Variants in PLEKHH3 observed in about 807,000 individuals in gnomAD.
PLEKHH3 encodes the protein pleckstrin homology domain-containing family H member 3.
A neutral mutation model predicts 77.8 loss-of-function variants in PLEKHH3; 57 were observed. The observed-to-expected ratio is 0.73, with a 90% CI of 0.59 to 0.91. The LOEUF (loss-of-function observed/expected upper bound fraction) is 0.91. PLEKHH3 is among the 40% of genes least tolerant of loss of function. The probability of loss-of-function intolerance (pLI) is 0.00; values close to 1 mark genes in which losing one functional copy is unlikely to be tolerated. For missense variants in PLEKHH3, 1,082 were observed against 1,091.2 expected (o/e 0.99, Z 0.12); for synonymous variants, 467 against 504.8 (o/e 0.93, Z 1.00).
At position 42,671,141 on chromosome 17, in the gene PLEKHH3, A is replaced by T. The variant is rs766362770; in HGVS notation, c.1285-11T>A. 1.3e-6 allele frequency: 2 copies of T among 1,569,102 alleles called. No homozygotes were observed. The highest frequency in any genetic ancestry group is 1.7e-6 in the Non-Finnish European group (2 of 1,158,166). On this transcript the variant is annotated splice_polypyrimidine_tract_variant and intron_variant, in intron 8 of 12. Coordinates refer to ENST00000591022, the MANE Select transcript of PLEKHH3 (RefSeq NM_024927.5). The surrounding 1 kb of genome is among the most constrained non-coding windows in gnomAD (Gnocchi z 4.7). ...CAGCTCTCGAGCCACCTAGAAGAGG[A>T]GGGTGAGGGGAGACCACTCAGAGGT...
rs761715761 is a variant in PLEKHH3 at position 42,673,680 on chromosome 17, G to C, written c.453C>G (p.Cys151Trp). The C allele has an allele frequency of 6.2e-7, 1 of 1,602,484 alleles. No individual in the cohort carries two copies. The highest frequency in any genetic ancestry group is 1.7e-5 in the Admixed American group (1 of 60,014). Reference sequence around the variant, plus strand: ...GCCTGCGCTCTGGGCCGGTCACCGAGCACAGGCTGGTGAGCACGAGGCTCC... The same window carrying C: ...GCCTGCGCTCTGGGCCGGTCACCGACCACAGGCTGGTGAGCACGAGGCTCC... ...RLGSLVLTSLCSVTGPERRRK... is the reference protein window; with the variant it reads ...RLGSLVLTSLWSVTGPERRRK... Residue 151 changes from cysteine (C) to tryptophan (W), a missense_variant, in exon 4 of 13, where the codon TGC becomes TGG. Around this residue, in one of 3 missense-constraint regions of PLEKHH3, gnomAD observed 344 missense variants for 320.8 expected, o/e 1.07. Transcript: ENST00000591022.
chr17:42,676,875 T>A lies in PLEKHH3; in HGVS notation c.-312A>T. 2.7e-6 allele frequency: 1 copy of A among 368,684 alleles called. No individual in the cohort carries two copies. Among genetic ancestry groups the A allele is most frequent in the South Asian group, 2.9e-5 (1 of 34,460 alleles). 22.8% of individuals were successfully genotyped at this position (368,684 alleles called of 1,614,324 possible). On this transcript the variant is annotated 5_prime_UTR_variant, in exon 1 of 13. Coordinates refer to ENST00000591022, the MANE Select transcript of PLEKHH3 (RefSeq NM_024927.5). The surrounding 1 kb of genome is among the most constrained non-coding windows in gnomAD (Gnocchi z 6.6). The stretch of plus-strand genomic sequence containing the variant: ...GAGTGTCCAGCCCTGTGGGGGGCAG[T>A]GTCCGGTGCAGCGTCCGAGGTGGGC...
chr17:42,674,395 C>T lies in PLEKHH3; in HGVS notation c.177G>A (p.Val59=), dbSNP rs749051568. The change falls in exon 2 of 13, where the codon GTG becomes GTA. Residue 59 remains valine, a synonymous_variant. Coordinates refer to ENST00000591022, the MANE Select transcript of PLEKHH3 (RefSeq NM_024927.5). The part of the protein sequence containing the change: ...PAGGGRGPLE[V]TLTQPVRSGP... ...CGCTCCTCACTGGCTGAGTCAGCGT[C>T]ACTTCCAGGGGACCCTGGGGAGACA... 2.5e-6 allele frequency: 4 copies of T among 1,595,368 alleles called. No homozygotes were observed. The highest frequency in any genetic ancestry group is 1.1e-5 in the South Asian group (1 of 88,534).
rs778023997 is a variant in PLEKHH3 at position 42,673,678 on chromosome 17, G to A, written c.455C>T (p.Ser152Leu). The part of the protein sequence containing the change: ...LGSLVLTSLC[S>L]VTGPERRRKE... ...ACGCCTGCGCTCTGGGCCGGTCACC[G>A]AGCACAGGCTGGTGAGCACGAGGCT... Residue 152 changes from serine (S) to leucine (L), a missense_variant, in exon 4 of 13, where the codon TCG becomes TTG. Ser to Leu is a moderately radical substitution (Grantham distance 145). Around this residue, in one of 3 missense-constraint regions of PLEKHH3, gnomAD observed 344 missense variants for 320.8 expected, o/e 1.07. Coordinates refer to ENST00000591022, the MANE Select transcript of PLEKHH3 (RefSeq NM_024927.5). 2 of 1,602,494 alleles carry A rather than the reference G, an allele frequency of 1.2e-6. No homozygotes were observed. Among genetic ancestry groups the A allele is most frequent in the Non-Finnish European group, 1.7e-6 (2 of 1,179,882 alleles).
chr17:42,668,442 C>T (rs1422935491), intron 12 of PLEKHH3, 139 bp from the exon 13 acceptor site: 1 of 626,376 alleles, frequency 1.6e-6, no homozygotes, highest in Non-Finnish European at 2.5e-6. Context: ...CCTTCCTTAT[C>T]ACCACTCTCT....
At chr17:42,670,934 CTG>C (rs2052685659) in intron 9 of PLEKHH3, 58 bp downstream of exon 9, 2 of 1,580,100 alleles carry the variant, frequency 1.3e-6, no homozygotes, top group East Asian at 4.5e-5. Flanking sequence ...CGCTTAGAGA[CTG>C]ACCTCAGCTG....
At position 42,676,892 on chromosome 17, in the gene PLEKHH3, G is replaced by A; in HGVS notation, c.-329C>T. 3.1e-6 allele frequency: 1 copy of A among 318,854 alleles called. No individual in the cohort carries two copies. Among genetic ancestry groups the A allele is most frequent in the Non-Finnish European group, 5.9e-6 (1 of 170,816 alleles). 19.8% of individuals were successfully genotyped at this position (318,854 alleles called of 1,614,324 possible). On this transcript the variant is annotated 5_prime_UTR_variant, in exon 1 of 13. Coordinates refer to ENST00000591022, the MANE Select transcript of PLEKHH3 (RefSeq NM_024927.5). The surrounding 1 kb of genome is among the most constrained non-coding windows in gnomAD (Gnocchi z 6.6). ...GGGGGCAGTGTCCGGTGCAGCGTCC[G>A]AGGTGGGCAGTTGTCCAAGCTCCAG...
At position 42,670,094 on chromosome 17, in the gene PLEKHH3, C is replaced by A; in HGVS notation, c.1837G>T (p.Ala613Ser). 1 of 1,369,352 alleles carries A rather than the reference C, an allele frequency of 7.3e-7. No homozygotes were observed. Among genetic ancestry groups the A allele is most frequent in the Non-Finnish European group, 9.3e-7 (1 of 1,070,032 alleles). 84.8% of individuals were successfully genotyped at this position (1,369,352 alleles called of 1,614,324 possible). A position where few individuals can be genotyped will look rare whatever the true frequency, so the allele number is the denominator to read the frequency against. The change falls in exon 11 of 13, where the codon GCG (alanine) becomes TCG (serine). Residue 613 changes from alanine to serine, a missense_variant. Ala to Ser is a moderately conservative substitution (Grantham distance 99). This residue lies in a region of PLEKHH3 where 733 missense variants were observed against 750.0 expected (regional missense o/e 0.98). Coordinates refer to ENST00000591022, the MANE Select transcript of PLEKHH3 (RefSeq NM_024927.5). ...RARRGGAGRT[A>S]GSIAREGGGG... The stretch of plus-strand genomic sequence containing the variant: ...CCTCCCTCGCGGGCAATGCTTCCCG[C>A]AGTGCGGCCGGCCCCGCCGCGCCGG...
At chr17:42,675,333 G>A (rs1490111270) in intron 1 of PLEKHH3, among the ~76,000 whole-genome samples, 1 of 152,108 alleles carries the variant, frequency 6.6e-6, no homozygotes, top group Non-Finnish European at 1.5e-5. Flanking sequence ...CAATGGCCTG[G>A]TAAAGCCGAC....
In PLEKHH3 at chr17:42,669,581, AAGCCCAGGCAC is replaced by A; in HGVS notation, c.2043_2053del (p.Cys682GlyfsTer131). On this transcript the variant is annotated frameshift_variant, in exon 12 of 13. Transcript: ENST00000591022. LOFTEE classifies it high-confidence loss of function. ...GGAGAGGGACATGGCCTTGGCTCCCAAGCCCAGGCACAGCTTCTGTGGAGCACCCCGACCAG... is the reference window on the plus strand; with the variant it reads ...GGAGAGGGACATGGCCTTGGCTCCCAAGCTTCTGTGGAGCACCCCGACCAG... 6.2e-7 allele frequency: 1 copy of A among 1,610,700 alleles called. No individual in the cohort carries two copies. The highest frequency in any genetic ancestry group is 8.5e-7 in the Non-Finnish European group (1 of 1,177,914).
intron 12 of PLEKHH3, chr17:42,669,036 C>A: frequency 6.3e-6 from 1 of 158,176 alleles, no homozygotes; most frequent in Non-Finnish European, 1.4e-5. Context: ...TGGTCTCGAT[C>A]TCCTGACCTC....
At position 42,672,311 on chromosome 17, in the gene PLEKHH3, C is replaced by T. The variant is rs2052720829; in HGVS notation, c.851G>A (p.Gly284Glu). 1.3e-6 allele frequency: 2 copies of T among 1,548,760 alleles called. No individual in the cohort carries two copies. Among genetic ancestry groups the T allele is most frequent in the African/African-American group, 1.4e-5 (1 of 73,028 alleles). ...LQALEGARRPGPLMQGVLQTC... is the reference protein window; with the variant it reads ...LQALEGARRPEPLMQGVLQTC... ...TTGGAGCACACCCTGCATCAAGGGCCCGGGGCGCCGCGCCCCCTCCAGCGC... is the reference window on the plus strand; with the variant it reads ...TTGGAGCACACCCTGCATCAAGGGCTCGGGGCGCCGCGCCCCCTCCAGCGC... Residue 284 changes from glycine to glutamate, a missense_variant, in exon 7 of 13, where the codon GGG becomes GAG. Transcript: ENST00000591022.
Position 42,674,402 on chromosome 17 carries a change from A to AG in PLEKHH3, c.169dup (p.Leu57ProfsTer105). 1 of 1,593,764 alleles carries AG rather than the reference A, an allele frequency of 6.3e-7. No homozygotes were observed. ...CACTGGCTGAGTCAGCGTCACTTCCAGGGGACCCTGGGGAGACAGGCGGGG... is the reference window on the plus strand; with the variant it reads ...CACTGGCTGAGTCAGCGTCACTTCCAGGGGGACCCTGGGGAGACAGGCGGGG... On this transcript the variant is annotated frameshift_variant, in exon 2 of 13. Coordinates refer to ENST00000591022, the MANE Select transcript of PLEKHH3 (RefSeq NM_024927.5). LOFTEE classifies it high-confidence loss of function.
chr17:42,669,393 C>T (rs2052631109), intron 12 of PLEKHH3, 37 bp downstream of exon 12: 1 of 1,492,028 alleles, frequency 6.7e-7, no homozygotes. Flanking sequence ...CATCGCTTCC[C>T]TTCTCTCCTC....
Position 42,672,173 on chromosome 17 carries a change from A to C in PLEKHH3, c.989T>G (p.Leu330Arg). The part of the protein sequence containing the change: ...GLPATQDPAA[L>R]RYWQLLTCMS... Reference sequence around the variant, plus strand: ...GCAGGTGAGGAGTTGCCAGTACCGCAGGGCCGCAGGGTCTTGGGTAGCCGG... The same window carrying C: ...GCAGGTGAGGAGTTGCCAGTACCGCCGGGCCGCAGGGTCTTGGGTAGCCGG... Residue 330 changes from leucine to arginine, a missense_variant, in exon 7 of 13, where the codon CTG becomes CGG. Physicochemically the swap from Leu to Arg is moderately radical, Grantham distance 102. This residue lies in a region of PLEKHH3 where 733 missense variants were observed against 750.0 expected (regional missense o/e 0.98). Coordinates refer to ENST00000591022, the MANE Select transcript of PLEKHH3 (RefSeq NM_024927.5). 6.5e-7 allele frequency: 1 copy of C among 1,550,210 alleles called. No homozygotes were observed. The highest frequency in any genetic ancestry group is 8.7e-7 in the Non-Finnish European group (1 of 1,146,396).
rs561085023 is a variant in PLEKHH3, at chr17:42,670,514, A to G, written c.1554+59T>C. The stretch of plus-strand genomic sequence containing the variant: ...ATAGTGATGAAATGAGACGGCCTAG[A>G]AAACCAGGGGTTCAGGCTTGGGGGT... On this transcript the variant is annotated intron_variant, in intron 10 of 12. Transcript: ENST00000591022. 4.5e-6 allele frequency: 7 copies of G among 1,561,744 alleles called. No homozygotes were observed. In the East Asian group the frequency reaches 1.6e-4, roughly 36 times the overall value.
rs1037050693 is a variant in PLEKHH3 at position 42,671,633 on chromosome 17, T to C, written c.1077-75A>G. ...CCCTCCCTCTTGCCTGCTTCTCTTATAGTTTATTTTATCTAGCCGATTTCC... is the reference window on the plus strand; with the variant it reads ...CCCTCCCTCTTGCCTGCTTCTCTTACAGTTTATTTTATCTAGCCGATTTCC... On this transcript the variant is annotated intron_variant, in intron 7 of 12. Coordinates refer to ENST00000591022, the MANE Select transcript of PLEKHH3 (RefSeq NM_024927.5). The surrounding 1 kb of genome is among the most constrained non-coding windows in gnomAD (Gnocchi z 4.7). The C allele has an allele frequency of 1.9e-4, 270 of 1,427,438 alleles. No homozygotes were observed. The highest frequency in any genetic ancestry group is 9.0e-4 in the Middle Eastern group (5 of 5,586). 88.4% of individuals were successfully genotyped at this position (1,427,438 alleles called of 1,614,324 possible). A position where few individuals can be genotyped will look rare whatever the true frequency, so the allele number is the denominator to read the frequency against.
At chr17:42,670,866 C>A (rs1008388476) in intron 9 of PLEKHH3, 128 bp downstream of exon 9, 10 of 1,525,598 alleles carry the variant, frequency 6.6e-6, no homozygotes, top group African/African-American at 1.4e-5. Context: ...CGGGCAGGTC[C>A]GTCTGTAAAC....
In PLEKHH3 at chr17:42,676,335, C is replaced by T. The variant is rs1203584764; in HGVS notation, c.162+67G>A. On this transcript the variant is annotated intron_variant, in intron 1 of 12. Transcript: ENST00000591022. The surrounding 1 kb of genome is among the most constrained non-coding windows in gnomAD (Gnocchi z 6.6). The stretch of plus-strand genomic sequence containing the variant: ...CGCAGCGTGTGGCTGGAGGCTGGAG[C>T]GGATCAGCGTGACGGCCGGTTACAG... The T allele has an allele frequency of 1.9e-6, 3 of 1,591,340 alleles. No individual in the cohort carries two copies. Among genetic ancestry groups the T allele is most frequent in the Non-Finnish European group, 2.6e-6 (3 of 1,166,782 alleles).
Sources: gnomAD v4.1 joint callset for allele counts (sites outside exome capture counted in the v4.1 genomes callset) on GRCh38, gnomAD v4.1.1 for gene constraint, gnomAD v4.1.1 regional missense constraint, Gnocchi (gnomAD v3.1) non-coding constraint, MANE v1.5 for transcripts, NCBI Gene and HGNC (gene_info 2026-07-23, HGNC 2026-07-21) for gene names.